ATP6V1C1: variants seen among roughly 807,000 people sequenced by gnomAD.
ATP6V1C1 encodes ATPase H+ transporting V1 subunit C1, also known as V-type proton ATPase subunit C 1.
A neutral mutation model predicts 53.9 loss-of-function variants in ATP6V1C1; 45 were observed. The observed-to-expected ratio is 0.83, with a 90% CI of 0.66 to 1.07. The LOEUF (loss-of-function observed/expected upper bound fraction) is 1.07, where lower values mean the gene tolerates loss of function less well. ATP6V1C1 is among the 50% of genes least tolerant of loss of function. The pLI is 0.00. For missense variants in ATP6V1C1, 315 were observed against 440.3 expected (o/e 0.72, Z 2.55); for synonymous variants, 153 against 155.2 (o/e 0.99, Z 0.11).
chr8:103,051,795 A>G (rs1162203015), intron 5 of ATP6V1C1, among the ~76,000 whole-genome samples: 1 of 152,130 alleles, frequency 6.6e-6, no homozygotes, highest in East Asian at 1.9e-4. Flanking sequence ...AAAAGTCTTA[A>G]CAGTAACTAT....
intron 1 of ATP6V1C1, among the ~76,000 whole-genome samples, chr8:103,037,697 T>C (rs945585703): frequency 6.6e-6 from 1 of 152,188 alleles, no homozygotes; most frequent in Non-Finnish European, 1.5e-5. Flanking sequence ...CTCATAAAAA[T>C]TTTAAAAATA....
chr8:103,056,759 A>G (rs1586323939), intron 8 of ATP6V1C1, among the ~76,000 whole-genome samples: 2 of 152,200 alleles, frequency 1.3e-5, no homozygotes, highest in Admixed American at 6.5e-5. Context: ...ACCCCAAAGG[A>G]TTCTTATAGA....
intron 1 of ATP6V1C1, among the ~76,000 whole-genome samples, chr8:103,029,649 A>T (rs1447508561): frequency 6.6e-6 from 1 of 152,190 alleles, no homozygotes; most frequent in Non-Finnish European, 1.5e-5. Flanking sequence ...GAAATAGATG[A>T]TGTAGTATAT....
intron 11 of ATP6V1C1, among the ~76,000 whole-genome samples, chr8:103,065,632 T>C (rs982242784): frequency 6.6e-6 from 1 of 152,188 alleles, no homozygotes; most frequent in Non-Finnish European, 1.5e-5. Flanking sequence ...ATGCTCACTA[T>C]TTTTAAATTT....
rs116704577 is a variant in ATP6V1C1 at position 103,048,241 on chromosome 8, T to C, written c.201-629T>C. Among the ~76,000 whole-genome samples the C allele has an allele frequency of 3.4e-3, 515 of 152,310 alleles. 5 individuals carry two copies. The highest frequency in any genetic ancestry group is 0.013 in the South Asian group (63 of 4,816). ...TTGGTTTAGGTTGGTGCAAAAGTAA[T>C]GGAGTTTTTGCCATTTTTTTCCCCC... On this transcript the variant is annotated intron_variant, in intron 3 of 12. Transcript: ENST00000518738.
intron 4 of ATP6V1C1, 129 bp downstream of exon 4, chr8:103,049,084 C>G: frequency 1.3e-6 from 1 of 779,900 alleles, no homozygotes; most frequent in Non-Finnish European, 2.0e-6. Context: ...CATTAAAATA[C>G]AATTATTATT....
chr8:103,059,154 C>G (rs1162866905), intron 8 of ATP6V1C1, among the ~76,000 whole-genome samples: 1 of 152,126 alleles, frequency 6.6e-6, no homozygotes, highest in Non-Finnish European at 1.5e-5. Context: ...AGGAGCCTAG[C>G]TAAGAAGTGC....
At chr8:103,057,234 A>C (rs367690693) in intron 8 of ATP6V1C1, among the ~76,000 whole-genome samples, 6 of 152,338 alleles carry the variant, frequency 3.9e-5, no homozygotes, top group African/African-American at 1.4e-4. Context: ...CTTCATGCTC[A>C]CCTCATGTAA....
intron 3 of ATP6V1C1, among the ~76,000 whole-genome samples, chr8:103,047,448 ACACACACACACACAC>A (rs1199567524): frequency 8.6e-6 from 1 of 116,102 alleles, no homozygotes; most frequent in African/African-American, 3.0e-5. Flanking sequence ...ACACACACAC[ACACACACACACACAC>A]ATTTTTTTTT....
intron 10 of ATP6V1C1, among the ~76,000 whole-genome samples, chr8:103,063,987 TC>T (rs1274373945): frequency 6.6e-6 from 1 of 152,152 alleles, no homozygotes; most frequent in Non-Finnish European, 1.5e-5. Context: ...AAACCCAAAA[TC>T]CTTTTAAAAA....
intron 5 of ATP6V1C1, among the ~76,000 whole-genome samples, chr8:103,052,357 C>G (rs1817215938): frequency 6.6e-6 from 1 of 152,034 alleles, no homozygotes; most frequent in African/African-American, 2.4e-5. Flanking sequence ...TTGCAGTAGT[C>G]AAAACTCTTC....
At chr8:103,057,091 C>T (rs979049027) in intron 8 of ATP6V1C1, among the ~76,000 whole-genome samples, 10 of 152,126 alleles carry the variant, frequency 6.6e-5, no homozygotes, top group Non-Finnish European at 8.8e-5. Flanking sequence ...AACAAAAGAA[C>T]GAAAGCAGGG....
rs1341987663 is a variant in ATP6V1C1 at position 103,072,187 on chromosome 8, A to C, written c.*3440A>C. 1 of 152,254 alleles carries C rather than the reference A, an allele frequency of 6.6e-6. No homozygotes were observed. Among genetic ancestry groups the C allele is most frequent in the African/African-American group, 2.4e-5 (1 of 41,462 alleles). The allele number at this position is 152,254 out of a possible 1,614,324, so 9.4% of individuals were successfully genotyped here. ...ATATTCCAGCTTTTTGAATGAGTGC[A>C]TATCCAGTAGTACCTTTAAAGTAAC... On this transcript the variant is annotated 3_prime_UTR_variant, in exon 13 of 13. Coordinates refer to ENST00000518738, the MANE Select transcript of ATP6V1C1 (RefSeq NM_001695.5).
At chr8:103,042,188 T>C in intron 2 of ATP6V1C1, 152 bp from the exon 3 acceptor site, 1 of 735,898 alleles carries the variant, frequency 1.4e-6, no homozygotes, top group Non-Finnish European at 2.2e-6. Context: ...AGCTTTGAAA[T>C]GTCTGGCAAA....
chr8:103,042,149 A>T (rs1049373341), intron 2 of ATP6V1C1, among the ~76,000 whole-genome samples, 191 bp from the exon 3 acceptor site: 5 of 152,214 alleles, frequency 3.3e-5, no homozygotes, highest in Non-Finnish European at 7.3e-5. Context: ...TATAACCATG[A>T]ATTAAAGGAT....
intron 10 of ATP6V1C1, 136 bp downstream of exon 10, chr8:103,063,364 T>A: frequency 1.7e-6 from 1 of 595,638 alleles, no homozygotes; most frequent in Non-Finnish European, 2.9e-6. Flanking sequence ...TTTAATTGAA[T>A]AATCAGAATG....
In ATP6V1C1 at chr8:103,068,717, G is replaced by A. The variant is rs141092582; in HGVS notation, c.1119G>A (p.Lys373=). Residue 373 remains lysine, a synonymous_variant, in exon 13 of 13, where the codon AAG becomes AAA. Transcript: ENST00000518738. ...AATACTACCCCTATGTGTACTACAA[G>A]ATTGATTGCAACTTGCTGGAATTCA... ...QQEYYPYVYY[K]IDCNLLEFK 36 of 1,609,818 alleles carry A rather than the reference G, an allele frequency of 2.2e-5. No individual in the cohort carries two copies. Among genetic ancestry groups the A allele is most frequent in the African/African-American group, 4.0e-5 (3 of 74,700 alleles).
At chr8:103,050,274 A>G (rs1221222035) in intron 4 of ATP6V1C1, among the ~76,000 whole-genome samples, 1 of 152,198 alleles carries the variant, frequency 6.6e-6, no homozygotes, top group Non-Finnish European at 1.5e-5. Flanking sequence ...TATTTTATGA[A>G]CTAGGGCAGT....
intron 11 of ATP6V1C1, 30 bp downstream of exon 11, chr8:103,064,841 C>A (rs1563610475): frequency 4.4e-6 from 7 of 1,590,586 alleles, no homozygotes; most frequent in Non-Finnish European, 6.0e-6. Flanking sequence ...AAACTTGGAA[C>A]TGAAGAGTTC....
Sources: allele counts gnomAD v4.1 joint callset (sites outside exome capture counted in the v4.1 genomes callset), GRCh38; gene constraint gnomAD v4.1.1; transcripts MANE v1.5; gene names NCBI Gene and HGNC (gene_info 2026-07-23, HGNC 2026-07-21).